HTR1F: variants seen among roughly 807,000 people sequenced by gnomAD.
HTR1F encodes the protein 5-hydroxytryptamine (serotonin) receptor 1F, G protein-coupled.
Under a neutral mutation model 24.0 loss-of-function variants are expected in HTR1F, and 17 were observed. The ratio of observed to expected loss-of-function variants is 0.71; its 90% CI spans 0.48 to 1.06. The LOEUF (loss-of-function observed/expected upper bound fraction) is 1.06. Ranked by LOEUF, HTR1F falls within the 50% of genes least tolerant of loss-of-function variation. The pLI is 0.00. For missense variants in HTR1F, 391 were observed against 427.8 expected (o/e 0.91, Z 0.76); for synonymous variants, 186 against 156.8 (o/e 1.19, Z -1.39).
intron 2 of HTR1F, among the ~76,000 whole-genome samples, chr3:87,897,753 T>C (rs1293368796): frequency 6.6e-6 from 1 of 152,222 alleles, no homozygotes; most frequent in African/African-American, 2.4e-5. Context: ...ACTTTTCATG[T>C]TCTTTCACAC....
chr3:87,839,202 A>G (rs1317703176), intron 2 of HTR1F, among the ~76,000 whole-genome samples: 1 of 151,892 alleles, frequency 6.6e-6, no homozygotes, highest in African/African-American at 2.4e-5. Context: ...TTTACAATTT[A>G]GGTTTTATGT....
chr3:87,931,371 C>T (rs946691674), intron 2 of HTR1F, among the ~76,000 whole-genome samples: 4 of 152,138 alleles, frequency 2.6e-5, no homozygotes, highest in South Asian at 4.1e-4. Flanking sequence ...CTACAAAGGA[C>T]GTGAACTCAT....
At chr3:87,921,178 T>C (rs1218380238) in intron 2 of HTR1F, among the ~76,000 whole-genome samples, 1 of 152,032 alleles carries the variant, frequency 6.6e-6, no homozygotes, top group African/African-American at 2.4e-5. Context: ...CCATTTAACA[T>C]ATCAGAACAT....
chr3:87,803,972 G>A (rs6790616), intron 1 of HTR1F, among the ~76,000 whole-genome samples: 19,783 of 152,032 alleles, frequency 0.13, 4,042 homozygotes, highest in African/African-American at 0.44. Context: ...GAAACTGGGC[G>A]TACAAATCCA....
At chr3:87,920,477 G>A (rs1255453421) in intron 2 of HTR1F, among the ~76,000 whole-genome samples, 1 of 151,868 alleles carries the variant, frequency 6.6e-6, no homozygotes, top group Non-Finnish European at 1.5e-5. Context: ...TATTCTGCAT[G>A]CCTCCCAGGA....
At chr3:87,860,548 T>A (rs1705296349) in intron 2 of HTR1F, among the ~76,000 whole-genome samples, 1 of 152,200 alleles carries the variant, frequency 6.6e-6, no homozygotes, top group Non-Finnish European at 1.5e-5. Flanking sequence ...TCATTCTTAG[T>A]TGATTTGAAA....
At chr3:87,881,394 C>T (rs989866322) in intron 2 of HTR1F, among the ~76,000 whole-genome samples, 11 of 152,158 alleles carry the variant, frequency 7.2e-5, no homozygotes, top group African/African-American at 2.4e-4. Context: ...TCTGCCATTG[C>T]TGAGGCTTGA....
intron 2 of HTR1F, among the ~76,000 whole-genome samples, chr3:87,983,609 C>T (rs1705599307): frequency 6.6e-6 from 1 of 152,198 alleles, no homozygotes; most frequent in African/African-American, 2.4e-5. Context: ...TTGTTGCCCT[C>T]TCTGGCCTGC....
At chr3:87,794,023 G>A (rs2107045273) in intron 1 of HTR1F, among the ~76,000 whole-genome samples, 1 of 150,800 alleles carries the variant, frequency 6.6e-6, no homozygotes, top group East Asian at 1.9e-4. Flanking sequence ...ATTTTAAAAC[G>A]GGTTTCGCTC....
chr3:87,860,512 ATTG>A (rs1204826528), intron 2 of HTR1F, among the ~76,000 whole-genome samples: 7 of 152,112 alleles, frequency 4.6e-5, no homozygotes, highest in African/African-American at 1.7e-4. Flanking sequence ...TTCCCTATGA[ATTG>A]TTATTATTTT....
intron 2 of HTR1F, among the ~76,000 whole-genome samples, chr3:87,983,978 T>G (rs558736378): frequency 9.8e-5 from 15 of 152,316 alleles, no homozygotes; most frequent in African/African-American, 3.4e-4. Context: ...CTTAAACATT[T>G]CTAAGACTTC....
Position 87,981,043 on chromosome 3 carries a change from C to G in HTR1F, c.-42-9665C>G, listed in dbSNP as rs574582638. Among the ~76,000 whole-genome samples the G allele has an allele frequency of 3.3e-5, 5 of 152,268 alleles. No individual in the cohort carries two copies. The South Asian group carries it at 1.0e-3, about 32-fold the overall frequency. ...CACCAACTCAGAAGGGTGCAGGGTT[C>G]TCACCTGTTCCCAGCTCCCGCCAGC... On this transcript the variant is annotated intron_variant, in intron 2 of 2. Transcript: ENST00000319595.
At chr3:87,891,357 G>C (rs1706082898) in intron 2 of HTR1F, among the ~76,000 whole-genome samples, 1 of 151,988 alleles carries the variant, frequency 6.6e-6, no homozygotes, top group South Asian at 2.1e-4. Context: ...ACATAAAGTT[G>C]ACAGATTAAT....
chr3:87,807,484 G>A (rs1385650675), intron 1 of HTR1F, among the ~76,000 whole-genome samples: 5 of 151,716 alleles, frequency 3.3e-5, no homozygotes, highest in East Asian at 1.9e-4. Context: ...TTTGTATTCC[G>A]CAACTTCATT....
intron 1 of HTR1F, among the ~76,000 whole-genome samples, chr3:87,804,089 G>A (rs1704036074): frequency 1.3e-5 from 2 of 151,950 alleles, no homozygotes; most frequent in South Asian, 4.1e-4. Flanking sequence ...TTTTTAATAT[G>A]TTTTATCTTT....
intron 1 of HTR1F, among the ~76,000 whole-genome samples, chr3:87,794,978 CTGACTTTTTTTTTTTTTTT>C (rs1404941856): frequency 7.3e-6 from 1 of 137,080 alleles, no homozygotes; most frequent in Non-Finnish European, 1.5e-5. Context: ...AAAATTATGA[CTGACTTTTTTTTTTTTTTT>C]TTTTTTTTTT....
intron 2 of HTR1F, among the ~76,000 whole-genome samples, chr3:87,969,560 T>C (rs1016644693): frequency 1.3e-5 from 2 of 152,238 alleles, no homozygotes; most frequent in Non-Finnish European, 2.9e-5. Context: ...ATTTACCCAG[T>C]GCCTTTACCC....
At chr3:87,806,982 GTC>G (rs1704084286) in intron 1 of HTR1F, among the ~76,000 whole-genome samples, 1 of 151,840 alleles carries the variant, frequency 6.6e-6, no homozygotes, top group African/African-American at 2.4e-5. Context: ...GATTCCACTG[GTC>G]TCTGTGTCTG....
chr3:87,886,896 C>T (rs952240056), intron 2 of HTR1F, among the ~76,000 whole-genome samples: 3 of 152,166 alleles, frequency 2.0e-5, no homozygotes, highest in South Asian at 4.1e-4. Flanking sequence ...AATGGCCATA[C>T]TGCCCAAGGT....
Sources: allele counts gnomAD v4.1 joint callset (sites outside exome capture counted in the v4.1 genomes callset), GRCh38; gene constraint gnomAD v4.1.1; transcripts MANE v1.5; gene names NCBI Gene and HGNC (gene_info 2026-07-23, HGNC 2026-07-21).